Variants in SRPK2 observed in about 807,000 individuals in gnomAD.
The protein encoded by SRPK2 is SRSF protein kinase 2, also known as SFRS protein kinase 2.
Under a neutral mutation model 90.8 loss-of-function variants are expected in SRPK2, and 21 were observed. That is an observed-to-expected ratio of 0.23 (90% confidence interval 0.16 to 0.33). SRPK2 has a LOEUF of 0.33. Ranked by LOEUF, SRPK2 falls within the 10% of genes least tolerant of loss-of-function variation. The pLI is 1.00. For synonymous variants in SRPK2, 288 were observed against 311.1 expected, an observed-to-expected ratio of 0.93 and a Z score of 0.78; for missense variants, 620 against 869.0, an observed-to-expected ratio of 0.71 and a Z score of 3.60.
At chr7:105,338,663 T>A (rs559204182) in intron 2 of SRPK2, among the ~76,000 whole-genome samples, 6 of 152,348 alleles carry the variant, frequency 3.9e-5, no homozygotes, top group African/African-American at 1.4e-4. Flanking sequence ...AAATCACTTT[T>A]ATCAGGGGTT....
rs1799676826 is a variant in SRPK2, at chr7:105,233,091, A to AAG, written c.72-29307_72-29306insCT. On this transcript the variant is annotated intron_variant, in intron 2 of 15. Transcript: ENST00000393651. The stretch of plus-strand genomic sequence containing the variant: ...GGAAGGAAGGAAGGAAAGGAAGGAA[A>AAG]GAAGGAAGGAAGGAAGGAAGGAAGG... Among the ~76,000 whole-genome samples the AAG allele has an allele frequency of 4.7e-4, 43 of 91,902 alleles. 1 individual carries two copies. Among genetic ancestry groups the AAG allele is most frequent in the African/African-American group, 1.4e-3 (32 of 23,472 alleles). 60.3% of individuals were successfully genotyped at this position (91,902 alleles called of 152,430 possible).
rs772564768 is a variant in SRPK2 at position 105,126,216 on chromosome 7, T to G, written c.1915+32A>C. 14 of 1,513,208 alleles carry G rather than the reference T, an allele frequency of 9.3e-6. No individual in the cohort carries two copies. In the South Asian group the frequency reaches 1.3e-4, roughly 15 times the overall value. 93.7% of individuals were successfully genotyped at this position (1,513,208 alleles called of 1,614,324 possible). ...AGCTGCTCTTCAGTTTCTGTCTGCA[T>G]CGTGGCGCTTTTCAAAAAGAAGAGG... is the stretch of plus-strand genomic sequence containing the variant. On this transcript the variant is annotated intron_variant, in intron 15 of 15. Coordinates refer to ENST00000393651, the MANE Select transcript of SRPK2 (RefSeq NM_182692.3).
intron 2 of SRPK2, among the ~76,000 whole-genome samples, chr7:105,323,593 A>G (rs1268240197): frequency 6.6e-6 from 1 of 152,224 alleles, no homozygotes; most frequent in East Asian, 1.9e-4. Flanking sequence ...TAAAAACAAA[A>G]AAGTCTTTCT....
intron 2 of SRPK2, among the ~76,000 whole-genome samples, chr7:105,262,117 T>C (rs1212488764): frequency 6.6e-6 from 1 of 152,164 alleles, no homozygotes; most frequent in African/African-American, 2.4e-5. Flanking sequence ...CTGGCTGTAA[T>C]GTAAGCAACC....
chr7:105,152,808 G>A (rs992919942), intron 7 of SRPK2, among the ~76,000 whole-genome samples: 1 of 152,064 alleles, frequency 6.6e-6, no homozygotes, highest in Non-Finnish European at 1.5e-5. Context: ...GGCCGAAATG[G>A]GCGGATCACA....
intron 2 of SRPK2, among the ~76,000 whole-genome samples, chr7:105,368,901 A>C (rs1819385092): frequency 6.6e-6 from 1 of 151,318 alleles, no homozygotes; most frequent in South Asian, 2.1e-4. Context: ...AAAAAAAAAA[A>C]AAAAGACTCA....
intron 2 of SRPK2, among the ~76,000 whole-genome samples, chr7:105,274,790 G>A (rs150165523): frequency 2.1e-3 from 323 of 152,112 alleles, no homozygotes; most frequent in Non-Finnish European, 3.2e-3. Context: ...ATCAAGCTCT[G>A]GTTTTAGTCT....
intron 2 of SRPK2, among the ~76,000 whole-genome samples, chr7:105,311,827 A>G (rs182346448): frequency 1.3e-5 from 2 of 152,248 alleles, no homozygotes; most frequent in Admixed American, 1.3e-4. Context: ...CTAAAGCACA[A>G]AAATTAATCT....
chr7:105,317,266 C>T (rs1025301075), intron 2 of SRPK2, among the ~76,000 whole-genome samples: 13 of 152,184 alleles, frequency 8.5e-5, no homozygotes, highest in African/African-American at 3.1e-4. Flanking sequence ...TACTAGCAGT[C>T]CTTGCATTTA....
chr7:105,195,963 C>T (rs1166943855), intron 3 of SRPK2, among the ~76,000 whole-genome samples: 2 of 152,214 alleles, frequency 1.3e-5, no homozygotes, highest in East Asian at 1.9e-4. Flanking sequence ...GAAAGTAGGG[C>T]TGTTTCTCAT....
intron 11 of SRPK2, among the ~76,000 whole-genome samples, chr7:105,139,926 G>C (rs1803455748): frequency 6.6e-6 from 1 of 151,340 alleles, no homozygotes; most frequent in Admixed American, 6.6e-5. Flanking sequence ...AGGGGAACTG[G>C]TTCCAGGACA....
intron 2 of SRPK2, among the ~76,000 whole-genome samples, chr7:105,255,184 G>A (rs189289638): frequency 6.6e-6 from 1 of 150,686 alleles, no homozygotes; most frequent in East Asian, 1.9e-4. Context: ...GAAAAGGTTT[G>A]GTTCTACCGG....
chr7:105,205,902 T>C (rs1314205543), intron 2 of SRPK2: 1 of 513,770 alleles, frequency 1.9e-6, no homozygotes, highest in Non-Finnish European at 3.9e-6. Flanking sequence ...AGAAACTTTA[T>C]ATAAAAAATG....
At chr7:105,233,643 C>A (rs956205204) in intron 2 of SRPK2, among the ~76,000 whole-genome samples, 1 of 152,156 alleles carries the variant, frequency 6.6e-6, no homozygotes, top group Admixed American at 6.5e-5. Flanking sequence ...CACTTAAGGT[C>A]AGGAGTTCAA....
chr7:105,221,458 C>A (rs1262596062), intron 2 of SRPK2, among the ~76,000 whole-genome samples: 1 of 152,196 alleles, frequency 6.6e-6, no homozygotes, highest in Non-Finnish European at 1.5e-5. Context: ...AGAATCTACA[C>A]TGCCTGATGA....
chr7:105,172,138 C>T (rs1192941848), intron 3 of SRPK2, among the ~76,000 whole-genome samples: 3 of 152,212 alleles, frequency 2.0e-5, no homozygotes, highest in Non-Finnish European at 4.4e-5. Context: ...AGGTGATCCA[C>T]CCACCTTGGC....
intron 3 of SRPK2, among the ~76,000 whole-genome samples, chr7:105,202,722 CA>C (rs564909653): frequency 1.2e-4 from 18 of 152,338 alleles, no homozygotes; most frequent in African/African-American, 3.6e-4. Flanking sequence ...CTATGTCACA[CA>C]ATGGCAGAAC....
At chr7:105,386,512 T>C (rs1421891003) in intron 2 of SRPK2, among the ~76,000 whole-genome samples, 1 of 151,846 alleles carries the variant, frequency 6.6e-6, no homozygotes, top group Non-Finnish European at 1.5e-5. Context: ...TCAGGAGTTG[T>C]AGACCAGCCC....
At chr7:105,358,729 T>C (rs774460155) in intron 2 of SRPK2, among the ~76,000 whole-genome samples, 11 of 152,012 alleles carry the variant, frequency 7.2e-5, no homozygotes, top group Non-Finnish European at 1.0e-4. Context: ...AGAGAAAATA[T>C]ATTTACTATT....
Sources: allele counts gnomAD v4.1 joint callset (sites outside exome capture counted in the v4.1 genomes callset), GRCh38; gene constraint gnomAD v4.1.1; transcripts MANE v1.5; gene names NCBI Gene and HGNC (gene_info 2026-07-23, HGNC 2026-07-21).